Variants in GNAI2 observed in about 807,000 individuals in gnomAD.
GNAI2 encodes the protein G protein subunit alpha i2.
In GNAI2, 4 loss-of-function variants were observed where a neutral mutation model predicts 36.8. The observed-to-expected ratio is 0.11, with a 90% CI of 0.05 to 0.25. The LOEUF (loss-of-function observed/expected upper bound fraction) is 0.25. GNAI2 is among the 10% of genes least tolerant of loss of function. GNAI2 has a pLI of 1.00. For missense variants in GNAI2, 230 were observed against 481.3 expected (o/e 0.48, Z 4.89); for synonymous variants, 194 against 194.1 (o/e 1.00, Z 0.01).
Position 50,253,153 on chromosome 3 carries a change from A to G in GNAI2, c.433A>G (p.Arg145Gly). 1 of 1,612,338 alleles carries G rather than the reference A, an allele frequency of 6.2e-7. No homozygotes were observed. The highest frequency in any genetic ancestry group is 8.5e-7 in the Non-Finnish European group (1 of 1,178,730). Residue 145 changes from arginine (R) to glycine (G), a missense_variant, in exon 4 of 9, where the codon AGG becomes GGG. Around this residue, in one of 4 missense-constraint regions of GNAI2, gnomAD observed 132 missense variants for 247.4 expected, o/e 0.53. Coordinates refer to ENST00000313601, the MANE Select transcript of GNAI2 (RefSeq NM_002070.4). The surrounding 1 kb of genome is among the most constrained non-coding windows in gnomAD (Gnocchi z 4.2). The part of the protein sequence containing the change: ...HGVQACFGRS[R>G]EYQLNDSAAY... ...TGTGCAGGCCTGCTTTGGCCGCTCA[A>G]GGGAATACCAGCTCAACGACTCAGC... is the stretch of plus-strand genomic sequence containing the variant.
chr3:50,243,214 C>T (rs1374856331), intron 1 of GNAI2, among the ~76,000 whole-genome samples: 2 of 152,250 alleles, frequency 1.3e-5, no homozygotes, highest in African/African-American at 4.8e-5. Context: ...AGCTCTGTAC[C>T]TTGTCCCACC....
In GNAI2 at chr3:50,253,283, T is replaced by C. The variant is rs1700610595; in HGVS notation, c.464+99T>C. On this transcript the variant is annotated intron_variant, in intron 4 of 8. Transcript: ENST00000313601. This position sits in a 1 kb window ranked among gnomAD's most constrained non-coding sequence, Gnocchi z 4.2. ...AGAACCCCCAGAAGGACACTGCTGG[T>C]CTTTGCTTATGAAACCGATGACTGT... is the stretch of plus-strand genomic sequence containing the variant. 1 of 978,252 alleles carries C rather than the reference T, an allele frequency of 1.0e-6. No homozygotes were observed. Among genetic ancestry groups the C allele is most frequent in the African/African-American group, 1.6e-5 (1 of 62,230 alleles). 60.6% of individuals were successfully genotyped at this position (978,252 alleles called of 1,614,324 possible). A position where few individuals can be genotyped will look rare whatever the true frequency, so the allele number is the denominator to read the frequency against.
At chr3:50,251,467 T>A in intron 1 of GNAI2, 1 of 1,050,212 alleles carries the variant, frequency 9.5e-7, no homozygotes, top group Non-Finnish European at 1.2e-6. Flanking sequence ...CCCAGATTCA[T>A]GAGTCAGTAC....
At chr3:50,240,337 C>A (rs1304919054) in intron 1 of GNAI2, among the ~76,000 whole-genome samples, 1 of 152,134 alleles carries the variant, frequency 6.6e-6, no homozygotes, top group East Asian at 1.9e-4. Flanking sequence ...TCAGAGGGAC[C>A]AACTCGACAA....
At chr3:50,227,400 C>T, upstream of GNAI2, 1 of 379,474 alleles carries the variant, frequency 2.6e-6, no homozygotes, top group Non-Finnish European at 4.7e-6. This position sits in a 1 kb window ranked among gnomAD's most constrained non-coding sequence, Gnocchi z 5.9. Flanking sequence ...GGAGAGCAGG[C>T]AAGGCGGGGG....
upstream of GNAI2, among the ~76,000 whole-genome samples, chr3:50,234,614 A>C (rs1418407637): frequency 6.6e-6 from 1 of 152,116 alleles, no homozygotes; most frequent in African/African-American, 2.4e-5. Flanking sequence ...AGCCTCCCAG[A>C]GTTGCTGGGA....
chr3:50,238,606 C>T lies in GNAI2; in HGVS notation c.118+2153C>T, dbSNP rs985246698. Among the ~76,000 whole-genome samples the T allele has an allele frequency of 6.6e-6, 1 of 152,228 alleles. No individual in the cohort carries two copies. Among genetic ancestry groups the T allele is most frequent in the Non-Finnish European group, 1.5e-5 (1 of 68,026 alleles). ...CCCAGGTCAGGATGGGGAGGGAGAACAAGAGCCTCCTGGTGGTTCTTGTTG... is the reference window on the plus strand; with the variant it reads ...CCCAGGTCAGGATGGGGAGGGAGAATAAGAGCCTCCTGGTGGTTCTTGTTG... On this transcript the variant is annotated intron_variant, in intron 1 of 8. Coordinates refer to ENST00000313601, the MANE Select transcript of GNAI2 (RefSeq NM_002070.4). This position sits in a 1 kb window ranked among gnomAD's most constrained non-coding sequence, Gnocchi z 5.0.
chr3:50,239,493 A>G (rs781847103), intron 1 of GNAI2: 1 of 152,228 alleles, frequency 6.6e-6, no homozygotes, highest in Non-Finnish European at 1.5e-5. Flanking sequence ...TGTGCCCAGC[A>G]TGGAGCCTGG....
upstream of GNAI2, among the ~76,000 whole-genome samples, chr3:50,234,646 C>A (rs900183004): frequency 1.2e-4 from 18 of 152,304 alleles, no homozygotes; most frequent in African/African-American, 4.3e-4. Context: ...AGCAACCATG[C>A]CCAGCCAAAA....
rs912252321 is a variant in GNAI2, at chr3:50,253,530, A to G, written c.464+346A>G. On this transcript the variant is annotated intron_variant, in intron 4 of 8. Coordinates refer to ENST00000313601, the MANE Select transcript of GNAI2 (RefSeq NM_002070.4). The surrounding 1 kb of genome is among the most constrained non-coding windows in gnomAD (Gnocchi z 4.2). ...GAGGCTGAGACAGGCGGGTCGTGAG[A>G]TCAGGAGATCGAGACCATCCTGGCT... 3.9e-5 allele frequency among the ~76,000 whole-genome samples: 6 copies of G among 152,132 alleles called. No homozygotes were observed. The highest frequency in any genetic ancestry group is 1.5e-5 in the Non-Finnish European group (1 of 68,032).
At position 50,252,016 on chromosome 3, in the gene GNAI2, G is replaced by C. The variant is rs1286395906; in HGVS notation, c.119-84G>C. 2.2e-6 allele frequency: 3 copies of C among 1,355,906 alleles called. No homozygotes were observed. The African/African-American group carries it at 4.3e-5, about 19-fold the overall frequency. 84.0% of individuals were successfully genotyped at this position (1,355,906 alleles called of 1,614,324 possible). A position where few individuals can be genotyped will look rare whatever the true frequency, so the allele number is the denominator to read the frequency against. Reference sequence around the variant, plus strand: ...GGTGGGAAGGTTAGTTCTGCCTCCTGGGCTACAGGTGTCTGGGCATTTGTT... The same window carrying C: ...GGTGGGAAGGTTAGTTCTGCCTCCTCGGCTACAGGTGTCTGGGCATTTGTT... On this transcript the variant is annotated intron_variant, in intron 1 of 8. Transcript: ENST00000313601. This position sits in a 1 kb window ranked among gnomAD's most constrained non-coding sequence, Gnocchi z 4.1.
In GNAI2 at chr3:50,239,275, C is replaced by T. The variant is rs782161644; in HGVS notation, c.118+2822C>T. 3.9e-5 allele frequency among the ~76,000 whole-genome samples: 6 copies of T among 152,316 alleles called. No homozygotes were observed. The South Asian group carries it at 1.2e-3, about 32-fold the overall frequency. On this transcript the variant is annotated intron_variant, in intron 1 of 8. Transcript: ENST00000313601. ...CTCCATAAAGGCTTCAGAATGTAAA[C>T]AGAGCAGTTCTCTCTTGCCCCTGGA...
chr3:50,254,958 A>G (rs1409753860), intron 4 of GNAI2, among the ~76,000 whole-genome samples: 1 of 152,158 alleles, frequency 6.6e-6, no homozygotes, highest in African/African-American at 2.4e-5. Context: ...CCTGGGGCGA[A>G]CCCACCTGTT....
chr3:50,239,346 C>T (rs1464489701), intron 1 of GNAI2, among the ~76,000 whole-genome samples: 3 of 152,210 alleles, frequency 2.0e-5, no homozygotes, highest in Non-Finnish European at 4.4e-5. Context: ...TAAAACTTTA[C>T]TCTGGGATCA....
upstream of GNAI2, among the ~76,000 whole-genome samples, chr3:50,234,262 G>C (rs587775710): frequency 6.6e-6 from 1 of 151,220 alleles, no homozygotes; most frequent in Non-Finnish European, 1.5e-5. Flanking sequence ...AAAATACACC[G>C]TGTTAGCCAG....
chr3:50,233,043 G>C (rs75632157), upstream of GNAI2, among the ~76,000 whole-genome samples: 2,293 of 152,008 alleles, frequency 0.015, 63 homozygotes, highest in African/African-American at 0.053. Context: ...AGTCAGGCTG[G>C]AGAGGACCTT....
At chr3:50,234,641 C>T (rs1700126840), upstream of GNAI2, among the ~76,000 whole-genome samples, 1 of 152,196 alleles carries the variant, frequency 6.6e-6, no homozygotes, top group Non-Finnish European at 1.5e-5. Context: ...GCATGAGCAA[C>T]CATGCCCAGC....
At chr3:50,256,350 G>A in intron 5 of GNAI2, 30 bp downstream of exon 5, 1 of 1,607,820 alleles carries the variant, frequency 6.2e-7, no homozygotes, top group African/African-American at 1.3e-5. Flanking sequence ...GGTGGGAGGG[G>A]CAGGACCTGC....
intron 1 of GNAI2, among the ~76,000 whole-genome samples, chr3:50,250,809 G>GC (rs1460985260): frequency 3.7e-4 from 54 of 145,946 alleles, no homozygotes; most frequent in Admixed American, 3.0e-3. Flanking sequence ...CTGGGAGTCT[G>GC]CTTTTTTTTT....
Sources: allele counts gnomAD v4.1 joint callset (sites outside exome capture counted in the v4.1 genomes callset), GRCh38; gene constraint gnomAD v4.1.1; regional missense constraint gnomAD v4.1.1; non-coding constraint Gnocchi (gnomAD v3.1); transcripts MANE v1.5; gene names NCBI Gene and HGNC (gene_info 2026-07-23, HGNC 2026-07-21).